Variants in PXN observed in about 807,000 individuals in gnomAD.
PXN encodes the protein paxillin, also known as testicular tissue protein Li 134.
Under a neutral mutation model 103.6 loss-of-function variants are expected in PXN, and 61 were observed. The observed-to-expected ratio is 0.59, with a 90% confidence interval of 0.48 to 0.73. The LOEUF is 0.73. PXN is among the 30% of genes least tolerant of loss of function. The probability of loss-of-function intolerance (pLI) is 0.00; values close to 1 mark genes in which losing one functional copy is unlikely to be tolerated. For missense variants in PXN, 1,274 were observed against 1,460.3 expected (o/e 0.87, Z 2.08); for synonymous variants, 562 against 607.8 (o/e 0.92, Z 1.11).
At chr12:120,257,292 A>G (rs1350866250) in intron 1 of PXN, among the ~76,000 whole-genome samples, 1 of 152,202 alleles carries the variant, frequency 6.6e-6, no homozygotes, top group African/African-American at 2.4e-5. Context: ...CATTAAAACA[A>G]TTACCTGAGC....
chr12:120,239,537 G>A (rs532748774), intron 1 of PXN, among the ~76,000 whole-genome samples: 9 of 152,130 alleles, frequency 5.9e-5, no homozygotes, highest in Non-Finnish European at 1.0e-4. Flanking sequence ...AGCCAGTATC[G>A]TGCCACTGCA....
chr12:120,257,079 T>A (rs1893128739), intron 1 of PXN, among the ~76,000 whole-genome samples: 2 of 152,092 alleles, frequency 1.3e-5, no homozygotes, highest in Non-Finnish European at 1.5e-5. Flanking sequence ...TTCAAAACAA[T>A]ACACACAGAC....
intron 1 of PXN, among the ~76,000 whole-genome samples, chr12:120,264,582 T>C (rs1430969650): frequency 6.6e-6 from 1 of 152,156 alleles, no homozygotes; most frequent in Non-Finnish European, 1.5e-5. Context: ...TAACACCAGA[T>C]CAAGACTGGA....
intron 1 of PXN, among the ~76,000 whole-genome samples, chr12:120,230,499 G>A (rs1324736808): frequency 2.0e-5 from 3 of 152,078 alleles, no homozygotes; most frequent in African/African-American, 7.2e-5. Context: ...CAGTGAGCAG[G>A]GCTTGGCCCT....
In PXN at chr12:120,219,993, A is replaced by C. The variant is rs1033052647; in HGVS notation, c.930T>G (p.Ser310=). Residue 310 remains serine, a synonymous_variant, in exon 7 of 15, where the codon TCT becomes TCG. Coordinates refer to ENST00000637617, the MANE Select transcript of PXN (RefSeq NM_001385981.1). This position sits in a 1 kb window ranked among gnomAD's most constrained non-coding sequence, Gnocchi z 6.5. Reference sequence around the variant, plus strand: ...GTATAGTGGTGGGTGGCAGAAATACAGATGGCATGGGAGGAGGAGAAGGAG... The same window carrying C: ...GTATAGTGGTGGGTGGCAGAAATACCGATGGCATGGGAGGAGGAGAAGGAG... ...SLPPSPPPMP[S]VFLPPTTIPS... 1.9e-6 allele frequency: 3 copies of C among 1,584,862 alleles called. No homozygotes were observed. In the African/African-American group the frequency reaches 4.0e-5, roughly 21 times the overall value.
intron 1 of PXN, among the ~76,000 whole-genome samples, chr12:120,230,308 C>T (rs969681421): frequency 6.6e-6 from 1 of 152,206 alleles, no homozygotes; most frequent in Non-Finnish European, 1.5e-5. Flanking sequence ...CCCAGAGAAA[C>T]AAGTCCCTGT....
intron 1 of PXN, among the ~76,000 whole-genome samples, chr12:120,246,854 T>TAAA (rs869044889): frequency 1.6e-5 from 2 of 128,704 alleles, no homozygotes; most frequent in African/African-American, 5.8e-5. Context: ...GAATCTGTCT[T>TAAA]AAAAAAAAAA....
At position 120,221,315 on chromosome 12, in the gene PXN, C is replaced by T. The variant is rs1156392519; in HGVS notation, c.831+308G>A. ...ATCAACACAAGGTTCTTTGTCCCAG[C>T]GTCCCAGCCTCCTGATCCCCTCGAC... On this transcript the variant is annotated intron_variant, in intron 6 of 14. Coordinates refer to ENST00000637617, the MANE Select transcript of PXN (RefSeq NM_001385981.1). This position sits in a 1 kb window ranked among gnomAD's most constrained non-coding sequence, Gnocchi z 6.6. Among the ~76,000 whole-genome samples the T allele has an allele frequency of 6.6e-6, 1 of 152,162 alleles. No homozygotes were observed. The highest frequency in any genetic ancestry group is 1.5e-5 in the Non-Finnish European group (1 of 68,032).
At chr12:120,246,183 T>C (rs1165355703) in intron 1 of PXN, among the ~76,000 whole-genome samples, 1 of 152,080 alleles carries the variant, frequency 6.6e-6, no homozygotes, top group Non-Finnish European at 1.5e-5. Context: ...GGCCAGGAGT[T>C]AGAGACCAGC....
chr12:120,215,088 A>C lies in PXN; in HGVS notation c.2574+15T>G, dbSNP rs1882228625. 1.3e-6 allele frequency: 2 copies of C among 1,583,208 alleles called. No individual in the cohort carries two copies. The highest frequency in any genetic ancestry group is 1.7e-5 in the Admixed American group (1 of 57,958). On this transcript the variant is annotated intron_variant, in intron 11 of 14. Coordinates refer to ENST00000637617, the MANE Select transcript of PXN (RefSeq NM_001385981.1). The surrounding 1 kb of genome is among the most constrained non-coding windows in gnomAD (Gnocchi z 4.9). ...GAGTCCACTGGCCACACCCCTGCCC[A>C]CTCCCCCTCATCACCTGCCCGGCGA...
chr12:120,219,125 G>A lies in PXN; in HGVS notation c.1716+82C>T. ...CCAAGCAGACATGCGCAGAGTGGGAGGCTGCATGCAGTTAGCGAGGAGCGG... is the reference window on the plus strand; with the variant it reads ...CCAAGCAGACATGCGCAGAGTGGGAAGCTGCATGCAGTTAGCGAGGAGCGG... On this transcript the variant is annotated intron_variant, in intron 7 of 14. Transcript: ENST00000637617. The surrounding 1 kb of genome is among the most constrained non-coding windows in gnomAD (Gnocchi z 6.5). 7.4e-7 allele frequency: 1 copy of A among 1,342,726 alleles called. No individual in the cohort carries two copies. 83.2% of individuals were successfully genotyped at this position (1,342,726 alleles called of 1,614,324 possible).
In PXN at chr12:120,222,647, T is replaced by C. The variant is rs777533105; in HGVS notation, c.597A>G (p.Lys199=). 3 of 1,608,894 alleles carry C rather than the reference T, an allele frequency of 1.9e-6. No individual in the cohort carries two copies. The African/African-American group carries it at 4.0e-5, about 21-fold the overall frequency. The stretch of plus-strand genomic sequence containing the variant: ...GGCCCCCATTCCGCTTAGGCTTCTC[T>C]TTCGTCAGGGGCCCAGCTTTGCCTC... The part of the protein sequence containing the change: ...PLGGKAGPLT[K]EKPKRNGGRG... Residue 199 remains lysine, a synonymous_variant, in exon 5 of 15, where the codon AAA becomes AAG. Transcript: ENST00000637617. This position sits in a 1 kb window ranked among gnomAD's most constrained non-coding sequence, Gnocchi z 4.7.
Position 120,229,269 on chromosome 12 carries a change from G to A in PXN, c.14-4892C>T, listed in dbSNP as rs552311498. On this transcript the variant is annotated intron_variant, in intron 1 of 14. Transcript: ENST00000637617. The surrounding 1 kb of genome is among the most constrained non-coding windows in gnomAD (Gnocchi z 4.0). ...ATTAAAACCTTCCGCCCCCACCCCC[G>A]ACTGCAGCACAGAAACAAGCCAGGC... Among the ~76,000 whole-genome samples, 33 of 152,172 alleles carry A rather than the reference G, an allele frequency of 2.2e-4. 1 individual carries two copies. The highest frequency in any genetic ancestry group is 1.5e-3 in the East Asian group (8 of 5,180).
chr12:120,244,778 C>A (rs61198412), intron 1 of PXN, among the ~76,000 whole-genome samples: 34 of 151,708 alleles, frequency 2.2e-4, no homozygotes, highest in African/African-American at 7.5e-4. Context: ...GCCAAGATCA[C>A]GCCACTGCAC....
intron 1 of PXN, among the ~76,000 whole-genome samples, chr12:120,253,284 C>A (rs1892494669): frequency 6.6e-6 from 1 of 152,000 alleles, no homozygotes; most frequent in South Asian, 2.1e-4. Context: ...ACTAGCCTGA[C>A]CATTATGGTG....
intron 1 of PXN, among the ~76,000 whole-genome samples, chr12:120,239,140 C>T (rs1203323342): frequency 3.3e-5 from 5 of 152,212 alleles, no homozygotes; most frequent in African/African-American, 1.2e-4. Flanking sequence ...CCACTGGTTT[C>T]TCCTTTTTAA....
rs1311661592 is a variant in PXN at position 120,214,681 on chromosome 12, G to C, written c.2748+144C>G. 1 of 1,080,736 alleles carries C rather than the reference G, an allele frequency of 9.3e-7. No individual in the cohort carries two copies. The highest frequency in any genetic ancestry group is 1.3e-6 in the Non-Finnish European group (1 of 756,416). 66.9% of individuals were successfully genotyped at this position (1,080,736 alleles called of 1,614,324 possible). A position where few individuals can be genotyped will look rare whatever the true frequency, so the allele number is the denominator to read the frequency against. ...CAGGCTGTGGTTCAGGTGTGGCTGT[G>C]AATCCGGCCCCACTGTTCCCTAGCC... On this transcript the variant is annotated intron_variant, in intron 12 of 14. Coordinates refer to ENST00000637617, the MANE Select transcript of PXN (RefSeq NM_001385981.1). The surrounding 1 kb of genome is among the most constrained non-coding windows in gnomAD (Gnocchi z 5.0).
At position 120,214,099 on chromosome 12, in the gene PXN, A is replaced by G. The variant is rs1250648768; in HGVS notation, c.2830+37T>C. On this transcript the variant is annotated intron_variant, in intron 13 of 14. Coordinates refer to ENST00000637617, the MANE Select transcript of PXN (RefSeq NM_001385981.1). The surrounding 1 kb of genome is among the most constrained non-coding windows in gnomAD (Gnocchi z 5.0). ...CCACCCCCACCTCCCCGGCCCTCCT[A>G]AGAGGCGGTGGGTCAGTCCGCCGGT... 1.3e-6 allele frequency: 2 copies of G among 1,556,098 alleles called. No homozygotes were observed. The highest frequency in any genetic ancestry group is 1.7e-6 in the Non-Finnish European group (2 of 1,149,982).
chr12:120,264,148 G>C (rs1894308522), intron 1 of PXN: 1 of 152,240 alleles, frequency 6.6e-6, no homozygotes, highest in African/African-American at 2.4e-5. Flanking sequence ...AAACAGGCAG[G>C]ACCCTACACC....
Sources: gnomAD v4.1 joint callset for allele counts (sites outside exome capture counted in the v4.1 genomes callset) on GRCh38, gnomAD v4.1.1 for gene constraint, Gnocchi (gnomAD v3.1) non-coding constraint, MANE v1.5 for transcripts, NCBI Gene and HGNC (gene_info 2026-07-23, HGNC 2026-07-21) for gene names.